Variants in GAS7 observed in about 807,000 individuals in gnomAD.
GAS7 encodes the protein growth arrest-specific protein 7.
A neutral mutation model predicts 71.1 loss-of-function variants in GAS7; 28 were observed. That is an observed-to-expected ratio of 0.39 (90% confidence interval 0.29 to 0.54). The LOEUF (loss-of-function observed/expected upper bound fraction) is 0.54. Ranked by LOEUF, GAS7 falls within the 20% of genes least tolerant of loss-of-function variation. The pLI is 0.62. For synonymous variants in GAS7, 258 were observed against 245.8 expected, an observed-to-expected ratio of 1.05 and a Z score of -0.46; for missense variants, 436 against 627.8, an observed-to-expected ratio of 0.69 and a Z score of 3.27.
At chr17:10,083,652 G>A (rs948805507) in intron 1 of GAS7, among the ~76,000 whole-genome samples, 1 of 152,260 alleles carries the variant, frequency 6.6e-6, no homozygotes, top group Non-Finnish European at 1.5e-5. Context: ...TTTATTGAAT[G>A]ATGAAACAGC....
intron 1 of GAS7, among the ~76,000 whole-genome samples, chr17:10,117,397 G>C (rs773430308): frequency 1.3e-5 from 2 of 152,122 alleles, no homozygotes; most frequent in Non-Finnish European, 2.9e-5. Context: ...ATATTCACAG[G>C]CTCCAGAGAT....
At chr17:9,998,693 A>AAAGGAAAAGGGAAGGGAAGGG (rs112127770) in intron 2 of GAS7, among the ~76,000 whole-genome samples, 13,613 of 150,584 alleles carry the variant, frequency 0.09, 1,380 homozygotes, top group African/African-American at 0.25. Flanking sequence ...AGGAAAAGGA[A>AAAGGAAAAGGGAAGGGAAGGG]AAGGAAAAGG....
chr17:10,025,049 C>T (rs532839301), intron 1 of GAS7, among the ~76,000 whole-genome samples: 30 of 152,254 alleles, frequency 2.0e-4, no homozygotes, highest in African/African-American at 6.0e-4. Context: ...GCATCTGAGA[C>T]GCAGAGAGTT....
chr17:10,165,786 G>A (rs1053970809), intron 1 of GAS7, among the ~76,000 whole-genome samples: 1 of 152,142 alleles, frequency 6.6e-6, no homozygotes, highest in Non-Finnish European at 1.5e-5. Flanking sequence ...CTCCCCTGGA[G>A]GAAAGCCAGT....
intron 4 of GAS7, among the ~76,000 whole-genome samples, chr17:9,960,362 G>T (rs1375031111): frequency 6.6e-6 from 1 of 152,074 alleles, no homozygotes; most frequent in African/African-American, 2.4e-5. Context: ...GCTAATTTTT[G>T]TATTTTTAGT....
chr17:9,951,583 C>T (rs2069009834), intron 5 of GAS7, among the ~76,000 whole-genome samples: 1 of 152,154 alleles, frequency 6.6e-6, no homozygotes. Flanking sequence ...ATGGAGAAAC[C>T]CCATCTCTAC....
chr17:9,959,267 G>T lies in GAS7; in HGVS notation c.472-12C>A, dbSNP rs748226112. ...GAGGATCCCAGGTTCTGGGGAGAGA[G>T]GCAAGAAACATCGTCAAAGCTGTTC... On this transcript the variant is annotated splice_polypyrimidine_tract_variant and intron_variant, in intron 4 of 13. Coordinates refer to ENST00000432992, the MANE Select transcript of GAS7 (RefSeq NM_201433.2). The surrounding 1 kb of genome is among the most constrained non-coding windows in gnomAD (Gnocchi z 5.0). 6.2e-7 allele frequency: 1 copy of T among 1,614,086 alleles called. No individual in the cohort carries two copies. The highest frequency in any genetic ancestry group is 8.5e-7 in the Non-Finnish European group (1 of 1,179,934).
intron 1 of GAS7, chr17:10,036,479 A>G (rs781615562): frequency 2.5e-6 from 4 of 1,613,758 alleles, no homozygotes; most frequent in East Asian, 2.2e-5. Flanking sequence ...ACCTCAGAGG[A>G]GAGTCTTGGG....
chr17:10,131,287 C>T (rs2073995017), intron 1 of GAS7, among the ~76,000 whole-genome samples: 1 of 152,240 alleles, frequency 6.6e-6, no homozygotes, highest in African/African-American at 2.4e-5. Flanking sequence ...CTGATAATTA[C>T]AGCCAACATT....
At chr17:10,131,825 G>T (rs1163085653) in intron 1 of GAS7, among the ~76,000 whole-genome samples, 1 of 152,078 alleles carries the variant, frequency 6.6e-6, no homozygotes, top group Non-Finnish European at 1.5e-5. Flanking sequence ...GCTCGAGAAT[G>T]AATACATGTG....
intron 1 of GAS7, among the ~76,000 whole-genome samples, chr17:10,094,991 C>T (rs1396512239): frequency 1.3e-5 from 2 of 152,098 alleles, no homozygotes. Context: ...ACTGGATGGC[C>T]TCCAGATCGC....
intron 1 of GAS7, among the ~76,000 whole-genome samples, chr17:10,146,455 T>C (rs2074121596): frequency 6.6e-6 from 1 of 152,130 alleles, no homozygotes; most frequent in African/African-American, 2.4e-5. Flanking sequence ...CTCCAGAGCC[T>C]CGCCACTTAG....
rs145911518 is a variant in GAS7, at chr17:10,030,468, C to T, written c.184-10571G>A. ...TGTCCTGTGGAACTGTGGTTGGACC[C>T]GTGTGAAAAGGGGGTCAGGTGCATG... On this transcript the variant is annotated intron_variant, in intron 1 of 13. Coordinates refer to ENST00000432992, the MANE Select transcript of GAS7 (RefSeq NM_201433.2). 2.1e-4 allele frequency among the ~76,000 whole-genome samples: 32 copies of T among 152,312 alleles called. No individual in the cohort carries two copies. The East Asian group carries it at 5.6e-3, about 27-fold the overall frequency.
chr17:9,984,988 C>T (rs537559928), intron 2 of GAS7, among the ~76,000 whole-genome samples: 2 of 144,504 alleles, frequency 1.4e-5, no homozygotes, highest in East Asian at 1.9e-4. Context: ...GAGTCAAGAC[C>T]GGGCTCCCCT....
At chr17:9,923,195 C>T (rs1314058721) in intron 11 of GAS7, among the ~76,000 whole-genome samples, 1 of 151,908 alleles carries the variant, frequency 6.6e-6, no homozygotes, top group African/African-American at 2.4e-5. Flanking sequence ...GCGTGAGCCA[C>T]CACGGCCGGC....
chr17:9,951,865 C>T (rs1477003901), intron 5 of GAS7, among the ~76,000 whole-genome samples: 1 of 151,344 alleles, frequency 6.6e-6, no homozygotes, highest in African/African-American at 2.4e-5. Context: ...TGGGTCTTGG[C>T]CAGTCTTGTT....
chr17:10,129,068 G>C (rs1174239298), intron 1 of GAS7, among the ~76,000 whole-genome samples: 2 of 152,120 alleles, frequency 1.3e-5, no homozygotes, highest in Non-Finnish European at 2.9e-5. Flanking sequence ...TAGGTAAGAG[G>C]AGCCTTGATA....
intron 1 of GAS7, among the ~76,000 whole-genome samples, chr17:10,068,582 C>G (rs1014358537): frequency 1.3e-5 from 2 of 148,884 alleles, no homozygotes; most frequent in Non-Finnish European, 3.0e-5. Flanking sequence ...ATAGCAAAAC[C>G]CTGTCTCTTA....
At position 10,057,848 on chromosome 17, in the gene GAS7, G is replaced by A. The variant is rs2073168123; in HGVS notation, c.184-37951C>T. On this transcript the variant is annotated intron_variant, in intron 1 of 13. Transcript: ENST00000432992. ...GAAAAGATAGAGAAATCAGATTGTT[G>A]CTGTGTCTGTGTAGAAAGAAGTAGA... Among the ~76,000 whole-genome samples, 4 of 152,368 alleles carry A rather than the reference G, an allele frequency of 2.6e-5. No homozygotes were observed. The South Asian group carries it at 8.3e-4, about 32-fold the overall frequency.
Sources: gnomAD v4.1 joint callset for allele counts (sites outside exome capture counted in the v4.1 genomes callset) on GRCh38, gnomAD v4.1.1 for gene constraint, Gnocchi (gnomAD v3.1) non-coding constraint, MANE v1.5 for transcripts, NCBI Gene and HGNC (gene_info 2026-07-23, HGNC 2026-07-21) for gene names.